The following PPM1E variants were observed in gnomAD, a reference collection of about 807,000 sequenced individuals.
PPM1E encodes protein phosphatase, Mg2+/Mn2+ dependent 1E.
PPM1E carries 20 observed loss-of-function variants against 65.9 expected under a neutral mutation model. That is an observed-to-expected ratio of 0.30 (90% CI 0.21 to 0.44). The LOEUF is 0.44. PPM1E is among the 20% of genes least tolerant of loss of function. The pLI, the probability that PPM1E is intolerant of heterozygous loss-of-function variation, is 1.00. For missense variants in PPM1E, 713 were observed against 953.1 expected, an observed-to-expected ratio of 0.75 and a Z score of 3.32; for synonymous variants, 352 against 374.9, an observed-to-expected ratio of 0.94 and a Z score of 0.70.
intron 1 of PPM1E, among the ~76,000 whole-genome samples, chr17:58,771,825 C>T (rs931504477): frequency 6.6e-6 from 1 of 151,938 alleles, no homozygotes; most frequent in African/African-American, 2.4e-5. Context: ...TAAGTACTTA[C>T]CATATGCCAA....
intron 1 of PPM1E, among the ~76,000 whole-genome samples, chr17:58,947,221 C>T (rs2052168740): frequency 7.1e-6 from 1 of 139,888 alleles, no homozygotes; most frequent in South Asian, 2.3e-4. Flanking sequence ...AAGTGTGAGC[C>T]ACACTCCTGG....
intron 1 of PPM1E, among the ~76,000 whole-genome samples, chr17:58,812,042 A>G (rs1253907809): frequency 6.6e-6 from 1 of 152,142 alleles, no homozygotes; most frequent in Non-Finnish European, 1.5e-5. Context: ...AAAAAAATAT[A>G]TAAGACCTTG....
intron 1 of PPM1E, among the ~76,000 whole-genome samples, chr17:58,786,082 C>G (rs1023356198): frequency 4.6e-5 from 7 of 150,618 alleles, no homozygotes; most frequent in Admixed American, 1.3e-4. Context: ...TGGCGCAATC[C>G]CGGCTCACTT....
intron 1 of PPM1E, among the ~76,000 whole-genome samples, chr17:58,849,966 T>C (rs2143257100): frequency 1.3e-5 from 2 of 152,318 alleles, no homozygotes; most frequent in Middle Eastern, 6.8e-3. Flanking sequence ...GGTGCTTCTG[T>C]ATTGGGTGCA....
intron 1 of PPM1E, among the ~76,000 whole-genome samples, chr17:58,866,427 T>C (rs2051004541): frequency 6.6e-6 from 1 of 152,224 alleles, no homozygotes; most frequent in African/African-American, 2.4e-5. Context: ...CCCCCAAGAC[T>C]GGTGGGTAAC....
intron 1 of PPM1E, among the ~76,000 whole-genome samples, chr17:58,756,729 C>G (rs890206223): frequency 2.0e-5 from 3 of 152,184 alleles, no homozygotes; most frequent in Non-Finnish European, 2.9e-5. Flanking sequence ...GCCCTCCCGC[C>G]GGGCCCGGGC....
chr17:58,868,003 A>G (rs1330396948), intron 1 of PPM1E, among the ~76,000 whole-genome samples: 1 of 152,146 alleles, frequency 6.6e-6, no homozygotes, highest in Non-Finnish European at 1.5e-5. Context: ...GGTGGGATTT[A>G]TTATTGATAA....
At chr17:58,865,260 G>T (rs1204411479) in intron 1 of PPM1E, among the ~76,000 whole-genome samples, 1 of 152,048 alleles carries the variant, frequency 6.6e-6, no homozygotes, top group African/African-American at 2.4e-5. Flanking sequence ...GGTGGCAGGC[G>T]CCTGTAGTCC....
chr17:58,924,154 A>C (rs2051793017), intron 1 of PPM1E, among the ~76,000 whole-genome samples: 1 of 151,402 alleles, frequency 6.6e-6, no homozygotes, highest in South Asian at 2.1e-4. Flanking sequence ...TCCTGACCTC[A>C]AGTGATCTGC....
intron 1 of PPM1E, among the ~76,000 whole-genome samples, chr17:58,830,422 C>G (rs930146711): frequency 1.3e-5 from 2 of 151,804 alleles, no homozygotes; most frequent in African/African-American, 4.8e-5. Flanking sequence ...ATTCTCCTGC[C>G]TCAGCCTCCC....
At chr17:58,977,771 C>A (rs763687617) in intron 6 of PPM1E, among the ~76,000 whole-genome samples, 61 of 152,100 alleles carry the variant, frequency 4.0e-4, no homozygotes, top group Non-Finnish European at 7.9e-4. Context: ...GAGACAGAGT[C>A]TCCCTCTGTC....
intron 1 of PPM1E, chr17:58,899,251 C>G (rs1269045269): frequency 6.6e-6 from 1 of 152,046 alleles, no homozygotes; most frequent in Non-Finnish European, 1.5e-5. Flanking sequence ...GGGAGGATTA[C>G]TTGAGCCCAG....
intron 2 of PPM1E, among the ~76,000 whole-genome samples, chr17:58,956,443 A>C (rs1027425102): frequency 2.4e-5 from 3 of 124,010 alleles, no homozygotes; most frequent in Non-Finnish European, 5.4e-5. Context: ...CTCAAAAAAA[A>C]ACAAAAAACA....
At chr17:58,944,533 T>C (rs541017998) in intron 1 of PPM1E, among the ~76,000 whole-genome samples, 1 of 152,298 alleles carries the variant, frequency 6.6e-6, no homozygotes, top group South Asian at 2.1e-4. Flanking sequence ...TCTCTGCTTC[T>C]ATAAATTTCC....
intron 1 of PPM1E, among the ~76,000 whole-genome samples, chr17:58,842,470 G>A (rs756015917): frequency 3.0e-4 from 45 of 152,298 alleles, no homozygotes; most frequent in Non-Finnish European, 5.1e-4. Flanking sequence ...TGTATGTTGG[G>A]GGGTATATGA....
intron 1 of PPM1E, among the ~76,000 whole-genome samples, chr17:58,945,819 G>A (rs1474909396): frequency 6.6e-6 from 1 of 152,204 alleles, no homozygotes; most frequent in African/African-American, 2.4e-5. Flanking sequence ...TATACAGGGT[G>A]AGGTCCTGAA....
At chr17:58,972,693 A>G in intron 5 of PPM1E, 139 bp from the exon 6 acceptor site, 1 of 759,538 alleles carries the variant, frequency 1.3e-6, no homozygotes, top group Non-Finnish European at 2.2e-6. Flanking sequence ...CACATCAGCA[A>G]CTGTGCCCAC....
chr17:58,941,711 A>AG (rs35027566), intron 1 of PPM1E, among the ~76,000 whole-genome samples: 1 of 147,976 alleles, frequency 6.8e-6, no homozygotes, highest in African/African-American at 2.5e-5. Context: ...AAAAAAAAAA[A>AG]TGCTGGTCAT....
In PPM1E at chr17:58,756,113, C is replaced by T; in HGVS notation, c.116C>T (p.Pro39Leu). 1 of 1,607,414 alleles carries T rather than the reference C, an allele frequency of 6.2e-7. No individual in the cohort carries two copies. ...GEPEPEPEPEPEPEPESEPEP... is the reference protein window; with the variant it reads ...GEPEPEPEPELEPEPESEPEP... ...CCGGAGCCGGAACCCGAACCCGAAC[C>T]CGAACCCGAACCCGAGTCCGAGCCC... Residue 39 changes from proline to leucine, a missense_variant, in exon 1 of 7, where the codon CCC (proline) becomes CTC (leucine). Pro to Leu is a moderately conservative substitution (Grantham distance 98). Around this residue, in one of 6 missense-constraint regions of PPM1E, gnomAD observed 212 missense variants for 204.0 expected, o/e 1.04. Transcript: ENST00000308249.
Sources: gnomAD v4.1 joint callset for allele counts (sites outside exome capture counted in the v4.1 genomes callset) on GRCh38, gnomAD v4.1.1 for gene constraint, gnomAD v4.1.1 regional missense constraint, MANE v1.5 for transcripts, NCBI Gene and HGNC (gene_info 2026-07-23, HGNC 2026-07-21) for gene names.